Variants in TENM4 observed in about 807,000 individuals in gnomAD.
TENM4 encodes teneurin-4.
Under a neutral mutation model 243.3 loss-of-function variants are expected in TENM4, and 82 were observed. The ratio of observed to expected loss-of-function variants is 0.34; its 90% CI spans 0.28 to 0.40. The LOEUF is 0.40. Ranked by LOEUF, TENM4 falls within the 10% of genes least tolerant of loss-of-function variation. The pLI is 1.00. For missense variants in TENM4, 3,138 were observed against 3,673.3 expected (o/e 0.85, Z 3.77); for synonymous variants, 1,412 against 1,456.3 (o/e 0.97, Z 0.69).
chr11:78,728,096 T>C (rs985558500), intron 22 of TENM4, among the ~76,000 whole-genome samples: 1 of 152,182 alleles, frequency 6.6e-6, no homozygotes, highest in African/African-American at 2.4e-5. Context: ...TGCTCATTTT[T>C]TCTCAAGAGG....
At chr11:79,228,433 T>C (rs950797214) in intron 2 of TENM4, among the ~76,000 whole-genome samples, 1 of 152,128 alleles carries the variant, frequency 6.6e-6, no homozygotes. Context: ...GCCGCATGCC[T>C]CACCTCCCGG....
intron 26 of TENM4, among the ~76,000 whole-genome samples, chr11:78,709,116 C>T (rs1170827415): frequency 1.3e-5 from 2 of 149,582 alleles, no homozygotes; most frequent in East Asian, 1.9e-4. Flanking sequence ...CACAGGCATG[C>T]GCCACCATGC....
Position 78,812,216 on chromosome 11 carries a change from G to A in TENM4, c.1884C>T (p.Asn628=). ...TGCTGCAGGCCACATCGATACACTG[G>A]TTGGTGGGCACATCGCACTCAGCGC... ...WKGAECDVPT[N]QCIDVACSNH... The change falls in exon 14 of 34, where the codon AAC becomes AAT. Residue 628 remains asparagine, a synonymous_variant. Coordinates refer to ENST00000278550, the MANE Select transcript of TENM4 (RefSeq NM_001098816.3). 1.3e-6 allele frequency: 2 copies of A among 1,551,950 alleles called. No homozygotes were observed. The highest frequency in any genetic ancestry group is 1.7e-6 in the Non-Finnish European group (2 of 1,147,128).
At chr11:79,325,370 G>A (rs1488301255) in intron 1 of TENM4, among the ~76,000 whole-genome samples, 1 of 152,194 alleles carries the variant, frequency 6.6e-6, no homozygotes, top group East Asian at 1.9e-4. Flanking sequence ...AAGTGAAGTG[G>A]CCAATATGGA....
intron 6 of TENM4, among the ~76,000 whole-genome samples, chr11:78,946,630 G>C (rs925607379): frequency 6.6e-6 from 1 of 152,174 alleles, no homozygotes; most frequent in African/African-American, 2.4e-5. Flanking sequence ...TGATGGATCT[G>C]GGCAAAGCAA....
At chr11:79,243,911 C>T (rs555080887) in intron 2 of TENM4, among the ~76,000 whole-genome samples, 9 of 152,290 alleles carry the variant, frequency 5.9e-5, no homozygotes, top group African/African-American at 2.2e-4. Context: ...TTAATGTGGA[C>T]GAGATTCAAC....
rs1858243624 is a variant in TENM4, at chr11:78,669,179, T to C, written c.7166A>G (p.Tyr2389Cys). The change falls in exon 32 of 34, where the codon TAC becomes TGC. Residue 2389 changes from tyrosine to cysteine, a missense_variant. Transcript: ENST00000278550. This position sits in a 1 kb window ranked among gnomAD's most constrained non-coding sequence, Gnocchi z 6.4. ...CTGAAAGTTGGGGTTGGTATCCATG[T>C]AGATCTCCCCATAGGCTGTGTACAG... ...QILYTAYGEI[Y>C]MDTNPNFQII... 1 of 1,613,952 alleles carries C rather than the reference T, an allele frequency of 6.2e-7. No homozygotes were observed. Among genetic ancestry groups the C allele is most frequent in the South Asian group, 1.1e-5 (1 of 91,080 alleles).
At chr11:79,368,232 A>G (rs1857713716) in intron 1 of TENM4, among the ~76,000 whole-genome samples, 1 of 152,156 alleles carries the variant, frequency 6.6e-6, no homozygotes, top group Non-Finnish European at 1.5e-5. Context: ...CATTCAACAG[A>G]CCAAGCCTCC....
chr11:79,041,970 G>A (rs146427078), intron 6 of TENM4, among the ~76,000 whole-genome samples: 1,711 of 152,284 alleles, frequency 0.011, 16 homozygotes, highest in Middle Eastern at 0.034. Flanking sequence ...TCCCTTAGCC[G>A]GAGGGTCTGG....
intron 29 of TENM4, 38 bp from the exon 30 acceptor site, chr11:78,676,425 C>T (rs201284203): frequency 5.2e-5 from 80 of 1,524,032 alleles, no homozygotes; most frequent in African/African-American, 1.5e-4. Context: ...TCAGAAGGAA[C>T]GAAGGTGGAG....
chr11:78,944,768 A>G (rs549754601), intron 6 of TENM4, among the ~76,000 whole-genome samples: 1 of 152,370 alleles, frequency 6.6e-6, no homozygotes, highest in South Asian at 2.1e-4. Context: ...TTCACAAAGC[A>G]CACTGTATCT....
chr11:79,089,554 C>G (rs1232863708), intron 4 of TENM4, among the ~76,000 whole-genome samples: 1 of 152,186 alleles, frequency 6.6e-6, no homozygotes, highest in Non-Finnish European at 1.5e-5. Flanking sequence ...ATGTACACAG[C>G]ACTGCCAATC....
intron 2 of TENM4, among the ~76,000 whole-genome samples, chr11:79,227,186 C>A (rs1279599816): frequency 6.6e-6 from 1 of 152,150 alleles, no homozygotes; most frequent in African/African-American, 2.4e-5. Context: ...GACAGTCACC[C>A]TACAAAATGA....
chr11:78,984,682 C>A (rs1038904281), intron 6 of TENM4, among the ~76,000 whole-genome samples: 2 of 152,156 alleles, frequency 1.3e-5, no homozygotes, highest in Admixed American at 1.3e-4. Flanking sequence ...ACTGCTGCTG[C>A]TGCTACGCTA....
chr11:78,673,142 C>G (rs1260250051), intron 30 of TENM4, among the ~76,000 whole-genome samples: 1 of 152,054 alleles, frequency 6.6e-6, no homozygotes, highest in South Asian at 2.1e-4. Flanking sequence ...TAGGCCAGCA[C>G]ACAGTTCAAT....
At chr11:79,409,099 T>TGTGTGTGTGTGCGCGCGCGCGCGTGC (rs1858638178) in intron 1 of TENM4, among the ~76,000 whole-genome samples, 1 of 101,066 alleles carries the variant, frequency 9.9e-6, no homozygotes, top group African/African-American at 4.0e-5. Flanking sequence ...TGTGTGTGTG[T>TGTGTGTGTGTGCGCGCGCGCGCGTGC]GTGCGCGCGC....
In TENM4 at chr11:78,701,613, C is replaced by T. The variant is rs1859105527; in HGVS notation, c.5000G>A (p.Gly1667Glu). 1 of 1,613,078 alleles carries T rather than the reference C, an allele frequency of 6.2e-7. No individual in the cohort carries two copies. The highest frequency in any genetic ancestry group is 1.1e-5 in the South Asian group (1 of 91,060). The change falls in exon 28 of 34, where the codon GGA (glycine) becomes GAA (glutamate). Residue 1667 changes from glycine to glutamate, a missense_variant. Physicochemically the swap from Gly to Glu is moderately conservative, Grantham distance 98. Coordinates refer to ENST00000278550, the MANE Select transcript of TENM4 (RefSeq NM_001098816.3). ...GTATGTCATCATGGCCAACTCGTGTCCTTGTGTGGTCACACTCTTGAGTGC... is the reference window on the plus strand; with the variant it reads ...GTATGTCATCATGGCCAACTCGTGTTCTTGTGTGGTCACACTCTTGAGTGC... ...NSALKSVTTQ[G>E]HELAMMTYHG... is the part of the protein sequence containing the mutation.
chr11:78,885,817 C>A (rs112533169), intron 9 of TENM4, among the ~76,000 whole-genome samples: 1 of 152,100 alleles, frequency 6.6e-6, no homozygotes, highest in Middle Eastern at 3.4e-3. Flanking sequence ...CCCGGCTGCT[C>A]GGGAGGCTGA....
At chr11:79,140,232 G>A (rs962022861) in intron 4 of TENM4, among the ~76,000 whole-genome samples, 23 of 152,074 alleles carry the variant, frequency 1.5e-4, no homozygotes, top group Admixed American at 2.6e-4. Context: ...CCTCTGCTGT[G>A]TGGTTTCCCT....
Sources: allele counts gnomAD v4.1 joint callset (sites outside exome capture counted in the v4.1 genomes callset), GRCh38; gene constraint gnomAD v4.1.1; non-coding constraint Gnocchi (gnomAD v3.1); transcripts MANE v1.5; gene names NCBI Gene and HGNC (gene_info 2026-07-23, HGNC 2026-07-21).